SIPA1L1: variants seen among roughly 807,000 people sequenced by gnomAD.
SIPA1L1 encodes signal-induced proliferation-associated 1-like protein 1.
Under a neutral mutation model 162.7 loss-of-function variants are expected in SIPA1L1, and 26 were observed. That is an observed-to-expected ratio of 0.16 (90% confidence interval 0.12 to 0.22). SIPA1L1 has a LOEUF of 0.22. Among genes scored for constraint, SIPA1L1 ranks in the 10% least tolerant of loss-of-function variants. The pLI, the probability that SIPA1L1 is intolerant of heterozygous loss-of-function variation, is 1.00. For missense variants in SIPA1L1, 1,874 were observed against 2,241.0 expected, an observed-to-expected ratio of 0.84 and a Z score of 3.31; for synonymous variants, 829 against 837.4, an observed-to-expected ratio of 0.99 and a Z score of 0.17.
At chr14:71,420,610 A>G (rs962263803) in intron 2 of SIPA1L1, among the ~76,000 whole-genome samples, 5 of 152,186 alleles carry the variant, frequency 3.3e-5, no homozygotes, top group African/African-American at 1.2e-4. Flanking sequence ...TTATCTATGG[A>G]ATTTTCCAAA....
chr14:71,553,462 T>A (rs1465151435), intron 4 of SIPA1L1, among the ~76,000 whole-genome samples: 2 of 152,250 alleles, frequency 1.3e-5, no homozygotes, highest in Admixed American at 1.3e-4. Context: ...GCTTCTGCAT[T>A]CTTTTTTCCT....
chr14:71,634,840 G>A (rs977562481), intron 7 of SIPA1L1, among the ~76,000 whole-genome samples: 2 of 151,974 alleles, frequency 1.3e-5, no homozygotes, highest in Non-Finnish European at 2.9e-5. Context: ...GGAGGCTGAG[G>A]CAGGAGAATG....
intron 2 of SIPA1L1, among the ~76,000 whole-genome samples, chr14:71,438,217 T>G (rs1461046210): frequency 6.6e-6 from 1 of 152,312 alleles, no homozygotes; most frequent in Admixed American, 6.5e-5. Flanking sequence ...TAGGTATGCT[T>G]TTTTTTCTCT....
intron 4 of SIPA1L1, among the ~76,000 whole-genome samples, chr14:71,564,983 A>G (rs2146758763): frequency 6.6e-6 from 1 of 152,282 alleles, no homozygotes; most frequent in East Asian, 1.9e-4. Flanking sequence ...TTCTGTCCCT[A>G]TAAAGAGTAC....
chr14:71,340,123 T>TGATAATAA (rs967228702), intron 2 of SIPA1L1, among the ~76,000 whole-genome samples: 2 of 152,258 alleles, frequency 1.3e-5, no homozygotes, highest in African/African-American at 4.8e-5. Context: ...TATGCTGTAC[T>TGATAATAA]GATAATAAAA....
chr14:71,351,171 C>A (rs1027535528), intron 2 of SIPA1L1, among the ~76,000 whole-genome samples: 5 of 152,078 alleles, frequency 3.3e-5, no homozygotes, highest in Admixed American at 6.6e-5. Flanking sequence ...GTTGCAAGTA[C>A]AGTATAATTA....
At chr14:71,487,569 T>C (rs559362351) in intron 2 of SIPA1L1, among the ~76,000 whole-genome samples, 2 of 152,296 alleles carry the variant, frequency 1.3e-5, no homozygotes, top group South Asian at 4.1e-4. Flanking sequence ...CCATTAAATA[T>C]GTAATGAATG....
chr14:71,606,962 CAT>C (rs1282210113), intron 5 of SIPA1L1, among the ~76,000 whole-genome samples: 1 of 151,464 alleles, frequency 6.6e-6, no homozygotes, highest in Admixed American at 6.6e-5. Context: ...CATATACAGT[CAT>C]ATACATGCAT....
chr14:71,600,953 A>G (rs1410438593), intron 5 of SIPA1L1, among the ~76,000 whole-genome samples: 1 of 152,146 alleles, frequency 6.6e-6, no homozygotes, highest in Non-Finnish European at 1.5e-5. Flanking sequence ...ATTTTGTATA[A>G]TGCAACTTTA....
At chr14:71,576,111 T>C (rs1303670960) in intron 4 of SIPA1L1, among the ~76,000 whole-genome samples, 1 of 152,232 alleles carries the variant, frequency 6.6e-6, no homozygotes, top group Admixed American at 6.5e-5. Flanking sequence ...GGATAAGGAT[T>C]GGACAGATCT....
At chr14:71,636,989 C>T (rs150878986) in intron 7 of SIPA1L1, among the ~76,000 whole-genome samples, 51 of 149,386 alleles carry the variant, frequency 3.4e-4, no homozygotes, top group African/African-American at 1.2e-3. Context: ...AGGCAGGGGT[C>T]GCAGTGAGCT....
intron 2 of SIPA1L1, among the ~76,000 whole-genome samples, chr14:71,441,284 A>G (rs892121277): frequency 6.6e-5 from 10 of 152,016 alleles, no homozygotes; most frequent in Non-Finnish European, 1.2e-4. Flanking sequence ...GCAGAGGGAG[A>G]TTTTCCCTTG....
In SIPA1L1 at chr14:71,535,194, G is replaced by A. The variant is rs190885922; in HGVS notation, c.-303+5824G>A. 6.3e-4 allele frequency among the ~76,000 whole-genome samples: 96 copies of A among 152,334 alleles called. 1 individual carries two copies. Among genetic ancestry groups the A allele is most frequent in the Non-Finnish European group, 1.2e-3 (83 of 68,030 alleles). ...AACAATTAATAAGGGACTGGCTGGA[G>A]ATGATGACAGCTAGAAACTCTTAAA... On this transcript the variant is annotated intron_variant, in intron 4 of 23. Transcript: ENST00000381232.
At position 71,709,612 on chromosome 14, in the gene SIPA1L1, C is replaced by G. The variant is rs766904933; in HGVS notation, c.4156C>G (p.Leu1386Val). The G allele has an allele frequency of 6.2e-7, 1 of 1,614,202 alleles. No individual in the cohort carries two copies. Among genetic ancestry groups the G allele is most frequent in the Admixed American group, 1.7e-5 (1 of 60,030 alleles). Residue 1386 changes from leucine to valine, a missense_variant, in exon 17 of 24, where the codon CTG (leucine) becomes GTG (valine). Physicochemically the swap from Leu to Val is conservative, Grantham distance 32. Around this residue, in one of 5 missense-constraint regions of SIPA1L1, gnomAD observed 936 missense variants for 1,051.9 expected, o/e 0.89. Coordinates refer to ENST00000381232, the MANE Select transcript of SIPA1L1 (RefSeq NM_001386936.1). ...HSKSQAGSTP[L>V]TRENSTFSIN... ...CAAGAGCCAAGCCGGCTCGACCCCT[C>G]TGACAAGGGAGAACAGCACCTTCAG... is the stretch of plus-strand genomic sequence containing the variant.
chr14:71,501,291 G>A (rs2050193793), intron 2 of SIPA1L1, among the ~76,000 whole-genome samples: 1 of 152,034 alleles, frequency 6.6e-6, no homozygotes, highest in African/African-American at 2.4e-5. Context: ...CTGCACTCCA[G>A]CCTGGGTGAC....
At chr14:71,565,528 C>T (rs2030295187) in intron 4 of SIPA1L1, among the ~76,000 whole-genome samples, 1 of 152,170 alleles carries the variant, frequency 6.6e-6, no homozygotes, top group Non-Finnish European at 1.5e-5. Context: ...ACACTAAAGT[C>T]ATGCAGTAAG....
intron 2 of SIPA1L1, among the ~76,000 whole-genome samples, chr14:71,485,741 T>C (rs1403747041): frequency 6.6e-6 from 1 of 152,166 alleles, no homozygotes; most frequent in Non-Finnish European, 1.5e-5. Context: ...CTGCCCCCAG[T>C]GTGTGGAAAA....
chr14:71,498,143 T>A (rs533345857), intron 2 of SIPA1L1, among the ~76,000 whole-genome samples: 1 of 152,320 alleles, frequency 6.6e-6, no homozygotes, highest in African/African-American at 2.4e-5. Context: ...TTTGGTGGAG[T>A]GTCCTCTTTA....
intron 4 of SIPA1L1, among the ~76,000 whole-genome samples, chr14:71,542,599 C>A: frequency 7.3e-6 from 1 of 137,532 alleles, no homozygotes; most frequent in Non-Finnish European, 1.6e-5. Flanking sequence ...TCCTCCTCCT[C>A]CTCTTCCTCC....
Sources: allele counts gnomAD v4.1 joint callset (sites outside exome capture counted in the v4.1 genomes callset), GRCh38; gene constraint gnomAD v4.1.1; regional missense constraint gnomAD v4.1.1; transcripts MANE v1.5; gene names NCBI Gene and HGNC (gene_info 2026-07-23, HGNC 2026-07-21).